The following CLNK variants were observed in gnomAD, a reference collection of about 807,000 sequenced individuals.
The protein encoded by CLNK is cytokine-dependent hematopoietic cell linker.
In CLNK, 74 loss-of-function variants were observed where a neutral mutation model predicts 68.6. The observed-to-expected ratio is 1.08, with a 90% CI of 0.89 to 1.31. The LOEUF is 1.31. Ranked by LOEUF, CLNK falls within the 50% of genes most tolerant of loss-of-function variation. The pLI, the probability that CLNK is intolerant of heterozygous loss-of-function variation, is 0.00. For synonymous variants in CLNK, 198 were observed against 172.2 expected, an observed-to-expected ratio of 1.15 and a Z score of -1.17; for missense variants, 553 against 515.3, an observed-to-expected ratio of 1.07 and a Z score of -0.71.
intron 12 of CLNK, among the ~76,000 whole-genome samples, chr4:10,529,305 A>G (rs1718439862): frequency 6.6e-6 from 1 of 152,164 alleles, no homozygotes. Context: ...TTTTCAAAGT[A>G]GTGTGAGGTC....
At chr4:10,673,843 A>AC (rs143844856) in intron 1 of CLNK, among the ~76,000 whole-genome samples, 1,856 of 152,288 alleles carry the variant, frequency 0.012, 43 homozygotes, top group African/African-American at 0.042. Context: ...TCAAGATCTG[A>AC]CCCAGATCAA....
the CLNK span, among the ~76,000 whole-genome samples, chr4:10,711,639 A>T: frequency 1.3e-5 from 2 of 152,154 alleles, no homozygotes; most frequent in Admixed American, 1.3e-4. Context: ...CTTTTTCCTG[A>T]ACATTAGTGG....
intron 17 of CLNK, among the ~76,000 whole-genome samples, chr4:10,502,608 A>G (rs958148900): frequency 6.6e-6 from 1 of 151,804 alleles, no homozygotes; most frequent in Non-Finnish European, 1.5e-5. Flanking sequence ...TTCTAGAGAT[A>G]GTGGGAGCCA....
intron 2 of CLNK, among the ~76,000 whole-genome samples, chr4:10,635,082 T>C (rs771616709): frequency 6.6e-6 from 1 of 152,204 alleles, no homozygotes; most frequent in Non-Finnish European, 1.5e-5. Context: ...ATTGATGACA[T>C]TTTTACTAAC....
intron 18 of CLNK, among the ~76,000 whole-genome samples, chr4:10,499,889 G>C (rs1032458104): frequency 1.3e-5 from 2 of 152,030 alleles, no homozygotes; most frequent in Non-Finnish European, 2.9e-5. Flanking sequence ...TCTCATATTG[G>C]ATTAGGACTC....
intron 4 of CLNK, among the ~76,000 whole-genome samples, chr4:10,572,437 A>G (rs1452145863): frequency 6.6e-6 from 1 of 152,170 alleles, no homozygotes; most frequent in Non-Finnish European, 1.5e-5. Flanking sequence ...TCAGTATTCT[A>G]TGTTTAAAAT....
At chr4:10,686,223 C>T (rs1340516024), upstream of CLNK, among the ~76,000 whole-genome samples, 3 of 152,086 alleles carry the variant, frequency 2.0e-5, no homozygotes, top group African/African-American at 7.2e-5. Context: ...ATTTCCCCTT[C>T]TTATCAGGAG....
chr4:10,642,069 GAAA>G (rs771470396), intron 2 of CLNK, among the ~76,000 whole-genome samples: 1 of 152,142 alleles, frequency 6.6e-6, no homozygotes, highest in Non-Finnish European at 1.5e-5. Flanking sequence ...TCAGCAGTGT[GAAA>G]ATGGACTAAA....
intron 10 of CLNK, 96 bp from the exon 11 acceptor site, chr4:10,540,700 G>C (rs1158105886): frequency 1.2e-6 from 1 of 818,556 alleles, no homozygotes; most frequent in Admixed American, 2.2e-5. Flanking sequence ...CGTGTCCCCA[G>C]CTTTGGGTTG....
At chr4:10,518,462 A>T (rs1395976884) in intron 15 of CLNK, among the ~76,000 whole-genome samples, 1 of 152,222 alleles carries the variant, frequency 6.6e-6, no homozygotes, top group African/African-American at 2.4e-5. Context: ...TTTTATAGGA[A>T]AAAGAGCCAT....
intron 2 of CLNK, among the ~76,000 whole-genome samples, chr4:10,636,856 T>C (rs530052758): frequency 2.0e-4 from 30 of 152,332 alleles, no homozygotes; most frequent in African/African-American, 6.5e-4. Flanking sequence ...GGGAGGTCTT[T>C]TAAGTCTTCC....
At chr4:10,582,367 TG>T (rs1480165025) in intron 4 of CLNK, among the ~76,000 whole-genome samples, 7 of 152,244 alleles carry the variant, frequency 4.6e-5, no homozygotes, top group Admixed American at 1.3e-4. Flanking sequence ...CCTTGAAGAC[TG>T]CTTTCCTTAG....
At chr4:10,607,698 A>T (rs1423963692) in intron 2 of CLNK, among the ~76,000 whole-genome samples, 1 of 152,138 alleles carries the variant, frequency 6.6e-6, no homozygotes, top group Non-Finnish European at 1.5e-5. Flanking sequence ...GGTCCTATAC[A>T]TCTTGTCAGT....
chr4:10,507,160 G>A (rs1307369876), intron 17 of CLNK, among the ~76,000 whole-genome samples: 2 of 151,778 alleles, frequency 1.3e-5, no homozygotes, highest in Non-Finnish European at 2.9e-5. Flanking sequence ...GGCCCAGGCT[G>A]GAGTGCAGTG....
Position 10,566,111 on chromosome 4 carries a change from G to C in CLNK, c.190C>G (p.His64Asp), listed in dbSNP as rs1334296017. Residue 64 changes from histidine to aspartate, a missense_variant, in exon 6 of 19, where the codon CAC becomes GAC. Physicochemically the swap from His to Asp is moderately conservative, Grantham distance 81. Coordinates refer to ENST00000226951, the MANE Select transcript of CLNK (RefSeq NM_052964.4). ...FAAVLDGAKG[H>D]SDDDYDDPEL... is the part of the protein sequence containing the mutation. ...GGGTCATCATAGTCATCATCACTGT[G>C]GCCTTTTGCTCCATCCAGGACTGCA... 2.5e-6 allele frequency: 4 copies of C among 1,613,680 alleles called. No individual in the cohort carries two copies. Among genetic ancestry groups the C allele is most frequent in the Non-Finnish European group, 3.4e-6 (4 of 1,179,814 alleles).
chr4:10,675,686 G>A (rs148385228), intron 1 of CLNK, among the ~76,000 whole-genome samples: 57 of 152,196 alleles, frequency 3.7e-4, no homozygotes, highest in African/African-American at 1.3e-3. Flanking sequence ...GAAAATACTG[G>A]CCTCTATTTA....
chr4:10,534,382 T>A (rs1043949067), intron 11 of CLNK, among the ~76,000 whole-genome samples: 6 of 152,200 alleles, frequency 3.9e-5, no homozygotes, highest in Non-Finnish European at 2.9e-5. Context: ...TTTTTTCCTA[T>A]GCATAAGAGG....
upstream of CLNK, among the ~76,000 whole-genome samples, chr4:10,689,745 A>ATTTATTTTTTTTTTTT (rs1725395835): frequency 1.0e-5 from 1 of 100,094 alleles, no homozygotes; most frequent in Non-Finnish European, 2.0e-5. Flanking sequence ...AAACCCATGC[A>ATTTATTTTTTTTTTTT]TTTTTTTTTT....
chr4:10,610,404 T>C (rs1721967166), intron 2 of CLNK, among the ~76,000 whole-genome samples: 2 of 151,704 alleles, frequency 1.3e-5, no homozygotes, highest in Admixed American at 6.6e-5. Context: ...CAAAAAAAGC[T>C]GATCTAATTT....
Sources: gnomAD v4.1 joint callset for allele counts (sites outside exome capture counted in the v4.1 genomes callset) on GRCh38, gnomAD v4.1.1 for gene constraint, MANE v1.5 for transcripts, NCBI Gene and HGNC (gene_info 2026-07-23, HGNC 2026-07-21) for gene names.